The following ADGRD1 variants were observed in gnomAD, a reference collection of about 807,000 sequenced individuals.
ADGRD1 encodes the protein adhesion G protein-coupled receptor D1.
In ADGRD1, 77 loss-of-function variants were observed where a neutral mutation model predicts 113.4. That is an observed-to-expected ratio of 0.68 (90% CI 0.57 to 0.82). The LOEUF (loss-of-function observed/expected upper bound fraction) is 0.82. ADGRD1 is among the 40% of genes least tolerant of loss of function. The probability of loss-of-function intolerance (pLI) is 0.00; values close to 1 mark genes in which losing one functional copy is unlikely to be tolerated. For synonymous variants in ADGRD1, 474 were observed against 475.0 expected (o/e 1.00, Z 0.03); for missense variants, 1,036 against 1,139.1 (o/e 0.91, Z 1.30).
At chr12:131,094,062 G>A (rs1887107940) in intron 15 of ADGRD1, among the ~76,000 whole-genome samples, 1 of 148,748 alleles carries the variant, frequency 6.7e-6, no homozygotes, top group Non-Finnish European at 1.5e-5. Flanking sequence ...TCAGCACCCA[G>A]CCTCGGCACC....
rs1439011538 is a variant in ADGRD1 at position 131,120,901 on chromosome 12, GTT to G, written c.2165_2166del (p.Phe722CysfsTer232). The G allele has an allele frequency of 6.2e-7, 1 of 1,614,082 alleles. No individual in the cohort carries two copies. Among genetic ancestry groups the G allele is most frequent in the South Asian group, 1.1e-5 (1 of 91,068 alleles). Reference sequence around the variant, plus strand: ...TCTGGGCCTTTGTAGCCCCTGCCCTGTTTGTCATCGTGGTACGTTTCCTACCC... The same window carrying G: ...TCTGGGCCTTTGTAGCCCCTGCCCTGTGTCATCGTGGTACGTTTCCTACCC... ...AIWAFVAPAL[F>X]VIVVNIGILI... On this transcript the variant is annotated frameshift_variant, in exon 20 of 25. Transcript: ENST00000261654. LOFTEE classifies it high-confidence loss of function.
At chr12:131,086,524 C>T (rs370732699) in intron 15 of ADGRD1, among the ~76,000 whole-genome samples, 6 of 152,236 alleles carry the variant, frequency 3.9e-5, no homozygotes, top group African/African-American at 1.2e-4. Context: ...TGATGGACCA[C>T]AGTTAACTCT....
chr12:131,003,480 G>A lies in ADGRD1; in HGVS notation c.1144+178G>A, dbSNP rs1199761681. Reference sequence around the variant, plus strand: ...TGGTCAGATGAGGGCAGGTGTGTTCGGCCATGATATGCAGATGGGGCCCAT... The same window carrying A: ...TGGTCAGATGAGGGCAGGTGTGTTCAGCCATGATATGCAGATGGGGCCCAT... On this transcript the variant is annotated intron_variant, in intron 10 of 24. Coordinates refer to ENST00000261654, the MANE Select transcript of ADGRD1 (RefSeq NM_198827.5). The surrounding 1 kb of genome is among the most constrained non-coding windows in gnomAD (Gnocchi z 4.8). Among the ~76,000 whole-genome samples the A allele has an allele frequency of 2.0e-5, 3 of 152,186 alleles. No individual in the cohort carries two copies. Among genetic ancestry groups the A allele is most frequent in the African/African-American group, 7.2e-5 (3 of 41,452 alleles).
rs988628251 is a variant in ADGRD1 at position 131,137,196 on chromosome 12, C to T, written c.2436+182C>T. Reference sequence around the variant, plus strand: ...CCTGCTGCTGAGCAGCTCTTCTCTCCCCGCCTAGTTGCTAAGCGATATGCA... The same window carrying T: ...CCTGCTGCTGAGCAGCTCTTCTCTCTCCGCCTAGTTGCTAAGCGATATGCA... On this transcript the variant is annotated intron_variant, in intron 23 of 24. Transcript: ENST00000261654. 37 of 630,990 alleles carry T rather than the reference C, an allele frequency of 5.9e-5. No individual in the cohort carries two copies. In the Middle Eastern group the frequency reaches 1.7e-3, roughly 29 times the overall value. 39.1% of individuals were successfully genotyped at this position (630,990 alleles called of 1,614,324 possible).
intron 4 of ADGRD1, among the ~76,000 whole-genome samples, chr12:130,975,937 C>T (rs1872253229): frequency 6.6e-6 from 1 of 152,192 alleles, no homozygotes; most frequent in South Asian, 2.1e-4. Flanking sequence ...CCCTCAGCTT[C>T]ACCTTCCTCC....
intron 13 of ADGRD1, among the ~76,000 whole-genome samples, chr12:131,074,553 CT>C (rs1885429308): frequency 6.6e-6 from 1 of 152,224 alleles, no homozygotes; most frequent in South Asian, 2.1e-4. Flanking sequence ...TCCCACATTT[CT>C]GCATGAGATG....
intron 15 of ADGRD1, among the ~76,000 whole-genome samples, chr12:131,102,620 C>G (rs946300448): frequency 6.6e-6 from 1 of 152,158 alleles, no homozygotes; most frequent in African/African-American, 2.4e-5. Context: ...AAGTCTCCAC[C>G]TTGAGTTCCT....
chr12:131,053,684 G>A (rs1444782465), intron 13 of ADGRD1, among the ~76,000 whole-genome samples: 1 of 152,196 alleles, frequency 6.6e-6, no homozygotes, highest in Non-Finnish European at 1.5e-5. Context: ...TCCAAAGTGG[G>A]AGGGCGGTAG....
chr12:131,032,967 C>T (rs1190127111), intron 13 of ADGRD1, among the ~76,000 whole-genome samples: 3 of 146,340 alleles, frequency 2.1e-5, no homozygotes, highest in African/African-American at 5.0e-5. Context: ...TTAGAGAAAT[C>T]GCCACCCCGT....
intron 13 of ADGRD1, chr12:131,069,174 C>T (rs34802403): frequency 0.089 from 13,614 of 152,288 alleles, 838 homozygotes; most frequent in Non-Finnish European, 0.13. Context: ...TCACAGGCAT[C>T]TGAGGGCAGG....
chr12:130,991,173 C>A, intron 7 of ADGRD1, 95 bp downstream of exon 7: 1 of 959,868 alleles, frequency 1.0e-6, no homozygotes, highest in Non-Finnish European at 1.7e-6. Context: ...TGTCTGGGCT[C>A]TCTGTTATCG....
At chr12:131,051,543 G>A (rs1328801326) in intron 13 of ADGRD1, among the ~76,000 whole-genome samples, 2 of 151,052 alleles carry the variant, frequency 1.3e-5, no homozygotes, top group East Asian at 3.9e-4. Context: ...GAGGGCAGTG[G>A]CGATATCTTG....
intron 23 of ADGRD1, chr12:131,137,573 G>C (rs1296544503): frequency 4.9e-6 from 1 of 203,142 alleles, no homozygotes; most frequent in African/African-American, 2.3e-5. Flanking sequence ...CTTGGGATGG[G>C]GAATGGGCCC....
intron 13 of ADGRD1, chr12:131,026,200 C>T (rs988859669): frequency 6.6e-6 from 1 of 152,256 alleles, no homozygotes; most frequent in African/African-American, 2.4e-5. Flanking sequence ...TGGACTGTGT[C>T]TCAGTGGACT....
Position 131,084,681 on chromosome 12 carries a change from G to A in ADGRD1, c.1671+18G>A. 1.2e-6 allele frequency: 2 copies of A among 1,613,450 alleles called. No individual in the cohort carries two copies. The highest frequency in any genetic ancestry group is 1.3e-5 in the African/African-American group (1 of 75,048). On this transcript the variant is annotated intron_variant, in intron 15 of 24. Coordinates refer to ENST00000261654, the MANE Select transcript of ADGRD1 (RefSeq NM_198827.5). This position sits in a 1 kb window ranked among gnomAD's most constrained non-coding sequence, Gnocchi z 4.5. ...CGCTGGAGGTAAGAGCCAGGCCTCA[G>A]GGGTCGCGGGACCTGGGGGACGTAC... is the stretch of plus-strand genomic sequence containing the variant.
intron 13 of ADGRD1, among the ~76,000 whole-genome samples, chr12:131,019,387 C>G (rs543873382): frequency 7.8e-4 from 119 of 152,268 alleles, no homozygotes; most frequent in African/African-American, 2.7e-3. Flanking sequence ...CACCCTGGGA[C>G]GCCAGGGGTT....
At chr12:131,074,683 G>A (rs1387122035) in intron 13 of ADGRD1, among the ~76,000 whole-genome samples, 2 of 152,226 alleles carry the variant, frequency 1.3e-5, no homozygotes, top group East Asian at 3.8e-4. Context: ...GACTTGCTGA[G>A]AGCATTTGTT....
At chr12:131,025,505 G>A (rs1421799343) in intron 13 of ADGRD1, 1 of 152,064 alleles carries the variant, frequency 6.6e-6, no homozygotes, top group Non-Finnish European at 1.5e-5. Context: ...TCCCAACATG[G>A]GCTGAGGTCT....
At chr12:131,129,180 C>T (rs1177858705) in intron 20 of ADGRD1, among the ~76,000 whole-genome samples, 2 of 117,576 alleles carry the variant, frequency 1.7e-5, no homozygotes, top group Admixed American at 1.9e-4. Flanking sequence ...GTGACAGGCC[C>T]GCCCTGCTGT....
Sources: allele counts gnomAD v4.1 joint callset (sites outside exome capture counted in the v4.1 genomes callset), GRCh38; gene constraint gnomAD v4.1.1; non-coding constraint Gnocchi (gnomAD v3.1); transcripts MANE v1.5; gene names NCBI Gene and HGNC (gene_info 2026-07-23, HGNC 2026-07-21).